The following ROBO1 variants were observed in gnomAD, a reference collection of about 807,000 sequenced individuals.
The protein encoded by ROBO1 is roundabout homolog 1.
In ROBO1, 149 loss-of-function variants were observed where a neutral mutation model predicts 195.9. That is an observed-to-expected ratio of 0.76 (90% CI 0.67 to 0.87). ROBO1 has a LOEUF of 0.87. Among genes scored for constraint, ROBO1 ranks in the 40% least tolerant of loss-of-function variants. ROBO1 has a pLI of 0.00. For synonymous variants in ROBO1, 816 were observed against 733.2 expected, an observed-to-expected ratio of 1.11 and a Z score of -1.82; for missense variants, 1,933 against 2,068.3, an observed-to-expected ratio of 0.93 and a Z score of 1.27.
At chr3:79,161,405 AT>A (rs1027834244) in intron 2 of ROBO1, among the ~76,000 whole-genome samples, 4 of 152,110 alleles carry the variant, frequency 2.6e-5, no homozygotes, top group Admixed American at 6.6e-5. Context: ...AAACATATCA[AT>A]TTTTTTAAAT....
At chr3:79,757,122 T>C (rs760471687) in intron 1 of ROBO1, among the ~76,000 whole-genome samples, 14 of 152,208 alleles carry the variant, frequency 9.2e-5, no homozygotes, top group Non-Finnish European at 1.5e-4. Flanking sequence ...TGTACAAACA[T>C]TGCTGTACAA....
intron 2 of ROBO1, among the ~76,000 whole-genome samples, chr3:79,207,385 G>A (rs1021622980): frequency 6.6e-6 from 1 of 152,046 alleles, no homozygotes; most frequent in African/African-American, 2.4e-5. Flanking sequence ...TTAATCCATT[G>A]CAGAAAGGGC....
chr3:79,585,740 C>T (rs146211988), intron 2 of ROBO1, among the ~76,000 whole-genome samples: 158 of 151,970 alleles, frequency 1.0e-3, no homozygotes, highest in African/African-American at 3.4e-3. Flanking sequence ...TGTAGAGCAG[C>T]GCAAACTCTT....
At chr3:79,614,136 A>C (rs1000138564) in intron 1 of ROBO1, among the ~76,000 whole-genome samples, 1 of 152,088 alleles carries the variant, frequency 6.6e-6, no homozygotes, top group Non-Finnish European at 1.5e-5. Flanking sequence ...AAACTACACT[A>C]CCAACCAATT....
chr3:78,682,895 GATT>G (rs1019019950), intron 10 of ROBO1, among the ~76,000 whole-genome samples: 11 of 151,664 alleles, frequency 7.3e-5, no homozygotes, highest in Non-Finnish European at 1.6e-4. Context: ...TTTGTAGGTA[GATT>G]ATTTTGAAAT....
At chr3:78,964,250 G>T (rs2041557632) in intron 3 of ROBO1, among the ~76,000 whole-genome samples, 1 of 152,094 alleles carries the variant, frequency 6.6e-6, no homozygotes, top group Admixed American at 6.6e-5. Flanking sequence ...CATTTGCAAA[G>T]ACCTTATCTT....
At chr3:79,157,907 A>T (rs764198849) in intron 2 of ROBO1, among the ~76,000 whole-genome samples, 1 of 151,916 alleles carries the variant, frequency 6.6e-6, no homozygotes, top group African/African-American at 2.4e-5. Flanking sequence ...TATGCTCCTT[A>T]TCAGCCCACG....
At chr3:79,562,439 T>A (rs185772688) in intron 2 of ROBO1, among the ~76,000 whole-genome samples, 207 of 152,212 alleles carry the variant, frequency 1.4e-3, no homozygotes, top group African/African-American at 4.8e-3. Context: ...TCATCATCAC[T>A]GGTCATTAGA....
intron 4 of ROBO1, among the ~76,000 whole-genome samples, chr3:78,870,370 G>A (rs540237334): frequency 5.4e-4 from 82 of 152,246 alleles, no homozygotes; most frequent in African/African-American, 1.8e-3. Flanking sequence ...TCTCACTTAC[G>A]ACTTCTACAT....
At chr3:79,424,616 A>G (rs2038369672) in intron 2 of ROBO1, among the ~76,000 whole-genome samples, 1 of 152,132 alleles carries the variant, frequency 6.6e-6, no homozygotes, top group Non-Finnish European at 1.5e-5. Flanking sequence ...TTACACTGTC[A>G]TTCTTCTCTT....
intron 4 of ROBO1, among the ~76,000 whole-genome samples, chr3:78,810,101 G>A (rs574330348): frequency 6.6e-6 from 1 of 152,178 alleles, no homozygotes; most frequent in Non-Finnish European, 1.5e-5. Context: ...ACGCAAAAAT[G>A]TAAGACATAT....
intron 2 of ROBO1, among the ~76,000 whole-genome samples, chr3:79,168,774 T>A (rs988081282): frequency 6.6e-6 from 1 of 152,124 alleles, no homozygotes; most frequent in Non-Finnish European, 1.5e-5. Flanking sequence ...AGATAATATA[T>A]CAAGGGTTCC....
At chr3:79,450,620 T>C (rs561465275) in intron 2 of ROBO1, among the ~76,000 whole-genome samples, 71 of 152,176 alleles carry the variant, frequency 4.7e-4, no homozygotes, top group African/African-American at 1.7e-3. Context: ...GACACTGAGA[T>C]TTTCATATTG....
At chr3:78,662,687 A>C (rs1707497229) in intron 14 of ROBO1, among the ~76,000 whole-genome samples, 1 of 152,206 alleles carries the variant, frequency 6.6e-6, no homozygotes, top group Admixed American at 6.5e-5. Flanking sequence ...GATGCCAGCA[A>C]GGAAGTAAAA....
At chr3:79,531,101 T>C (rs1487887789) in intron 2 of ROBO1, among the ~76,000 whole-genome samples, 3 of 152,154 alleles carry the variant, frequency 2.0e-5, no homozygotes, top group African/African-American at 7.2e-5. Flanking sequence ...TGGTAGCTAC[T>C]GTTTTTCACC....
chr3:79,018,791 T>C (rs1157949561), intron 3 of ROBO1: 2 of 1,067,068 alleles, frequency 1.9e-6, no homozygotes, highest in East Asian at 1.3e-4. Flanking sequence ...TCCACGGTCT[T>C]GCGGAGCCTC....
At chr3:78,652,061 C>T in intron 18 of ROBO1, 132 bp from the exon 19 acceptor site, 1 of 699,814 alleles carries the variant, frequency 1.4e-6, no homozygotes, top group South Asian at 1.9e-5. Context: ...CACTCACCAT[C>T]ATCAAATAAA....
chr3:78,639,821 T>G lies in ROBO1; in HGVS notation c.2960A>C (p.His987Pro). The stretch of plus-strand genomic sequence containing the variant: ...GCAGCAGCTGATGGAGCAGTCATTG[T>G]GGTTGTTGCCAGTATTAGGCCACGT... ...ADTWPNTGNN[H>P]NDCSISCCTA... is the part of the protein sequence containing the mutation. Residue 987 changes from histidine (H) to proline (P), a missense_variant, in exon 22 of 31, where the codon CAC (histidine) becomes CCC (proline). This residue lies in a region of ROBO1 where 1,737 missense variants were observed against 1,882.5 expected (regional missense o/e 0.92). Transcript: ENST00000464233. 3 of 1,613,538 alleles carry G rather than the reference T, an allele frequency of 1.9e-6. No individual in the cohort carries two copies. Among genetic ancestry groups the G allele is most frequent in the Non-Finnish European group, 2.5e-6 (3 of 1,179,658 alleles).
intron 3 of ROBO1, among the ~76,000 whole-genome samples, chr3:79,043,431 T>C (rs931864258): frequency 1.3e-5 from 2 of 152,062 alleles, no homozygotes; most frequent in African/African-American, 4.8e-5. Context: ...AACAATCCTT[T>C]GGAAAGCCAA....
Sources: allele counts gnomAD v4.1 joint callset (sites outside exome capture counted in the v4.1 genomes callset), GRCh38; gene constraint gnomAD v4.1.1; regional missense constraint gnomAD v4.1.1; transcripts MANE v1.5; gene names NCBI Gene and HGNC (gene_info 2026-07-23, HGNC 2026-07-21).